VWA8: variants seen among roughly 807,000 people sequenced by gnomAD.
The protein encoded by VWA8 is von Willebrand factor A domain containing 8, also known as von Willebrand factor A domain-containing protein 8.
VWA8 carries 221 observed loss-of-function variants against 241.5 expected under a neutral mutation model. That is an observed-to-expected ratio of 0.91 (90% CI 0.82 to 1.02). The LOEUF (loss-of-function observed/expected upper bound fraction) is 1.02. VWA8 is among the 50% of genes least tolerant of loss of function. VWA8 has a pLI of 0.00. For missense variants in VWA8, 2,322 were observed against 2,328.7 expected, an observed-to-expected ratio of 1.00 and a Z score of 0.06; for synonymous variants, 852 against 827.1, an observed-to-expected ratio of 1.03 and a Z score of -0.52.
chr13:41,687,749 G>C (rs1395258195), intron 34 of VWA8, among the ~76,000 whole-genome samples: 1 of 152,028 alleles, frequency 6.6e-6, no homozygotes, highest in Non-Finnish European at 1.5e-5. Flanking sequence ...CATCTTAAAG[G>C]CTGCCTAGCT....
intron 35 of VWA8, among the ~76,000 whole-genome samples, chr13:41,681,596 A>G (rs770343489): frequency 6.6e-6 from 1 of 152,226 alleles, no homozygotes; most frequent in Non-Finnish European, 1.5e-5. Flanking sequence ...AGATGAGAAC[A>G]CAGGGGTCTC....
rs2083433573 is a variant in VWA8, at chr13:41,811,330, A to C, written c.1958T>G (p.Leu653Ter). 2 of 1,609,426 alleles carry C rather than the reference A, an allele frequency of 1.2e-6. No individual in the cohort carries two copies. Among genetic ancestry groups the C allele is most frequent in the African/African-American group, 2.7e-5 (2 of 74,816 alleles). Residue 653 changes from leucine to a stop codon, truncating the protein, a stop_gained, in exon 17 of 45, where the codon TTA (leucine) becomes TGA (stop). Transcript: ENST00000379310. LOFTEE classifies it high-confidence loss of function. ...TTGTCTGGTAGAAAGTGATGCCGCT[A>C]ATGATTGTGCCTATCAAAAGACAAA... ...RETQDPTAQS[L>*]AASLSTRQLL...
intron 23 of VWA8, 43 bp downstream of exon 23, chr13:41,729,499 C>G (rs774105677): frequency 6.3e-7 from 1 of 1,579,468 alleles, no homozygotes; most frequent in South Asian, 1.2e-5. Flanking sequence ...GAGATATAAA[C>G]ATTGTATTTA....
At chr13:41,723,730 GA>G (rs549318068) in intron 24 of VWA8, among the ~76,000 whole-genome samples, 71 of 151,982 alleles carry the variant, frequency 4.7e-4, no homozygotes, top group African/African-American at 1.3e-3. Flanking sequence ...TCAGGTTTAA[GA>G]AAAAAAAGTT....
chr13:41,846,577 C>G (rs1033830277), intron 12 of VWA8, among the ~76,000 whole-genome samples: 1 of 151,970 alleles, frequency 6.6e-6, no homozygotes, highest in African/African-American at 2.4e-5. Context: ...TTTAATATAA[C>G]AATAAGTCTC....
At position 41,729,551 on chromosome 13, in the gene VWA8, T is replaced by G. The variant is rs148498938; in HGVS notation, c.2629A>C (p.Ile877Leu). 11 of 1,611,456 alleles carry G rather than the reference T, an allele frequency of 6.8e-6. No individual in the cohort carries two copies. In the African/African-American group the frequency reaches 9.4e-5, roughly 14 times the overall value. Residue 877 changes from isoleucine (I) to leucine (L), a missense_variant, in exon 23 of 45, where the codon ATT (isoleucine) becomes CTT (leucine). Transcript: ENST00000379310. ...TTTCTAAAATACTCACTTGCAACAA[T>G]GCGTCTTCCATCTGCTAGAATCATT... The part of the protein sequence containing the change: ...GEMILADGRR[I>L]VANSANVNGR...
chr13:41,944,918 C>A (rs1877781973), intron 2 of VWA8, among the ~76,000 whole-genome samples: 1 of 152,130 alleles, frequency 6.6e-6, no homozygotes, highest in Admixed American at 6.5e-5. Context: ...ACTTTAAAGA[C>A]AGAAACAAAA....
At chr13:41,783,655 A>AT in intron 19 of VWA8, 140 bp downstream of exon 19, 3 of 595,564 alleles carry the variant, frequency 5.0e-6, no homozygotes, top group Non-Finnish European at 5.6e-6. Context: ...AAAAAAAAAA[A>AT]GATGTTCAAC....
Position 41,689,353 on chromosome 13 carries a change from C to G in VWA8, c.4131+1G>C. 2.5e-6 allele frequency: 4 copies of G among 1,607,614 alleles called. No individual in the cohort carries two copies. Among genetic ancestry groups the G allele is most frequent in the Non-Finnish European group, 3.4e-6 (4 of 1,177,288 alleles). ...CGATAATTTAAAAAATGGGTGCTTA[C>G]CATGAGATCTGGAAAACCAACAACT... is the stretch of plus-strand genomic sequence containing the variant. On this transcript the variant is annotated splice_donor_variant, in intron 34 of 44. Coordinates refer to ENST00000379310, the MANE Select transcript of VWA8 (RefSeq NM_015058.2). LOFTEE classifies it high-confidence loss of function.
chr13:41,771,365 C>T (rs1199859570), intron 20 of VWA8, among the ~76,000 whole-genome samples: 6 of 152,156 alleles, frequency 3.9e-5, no homozygotes, highest in African/African-American at 7.2e-5. Flanking sequence ...TCAGGTGATC[C>T]GCCCACCTTG....
intron 21 of VWA8, among the ~76,000 whole-genome samples, chr13:41,744,306 A>G (rs2045588429): frequency 6.6e-6 from 1 of 152,222 alleles, no homozygotes; most frequent in Admixed American, 6.5e-5. Flanking sequence ...AGGGAACCCA[A>G]CCTAAGATAT....
At chr13:41,571,272 GTCCCTCTCCCGTCTCCCTCTCCCGTC>G (rs761878023) in intron 43 of VWA8, among the ~76,000 whole-genome samples, 20 of 127,502 alleles carry the variant, frequency 1.6e-4, no homozygotes, top group Non-Finnish European at 3.1e-4. Flanking sequence ...AGAAAACCCT[GTCCCTCTCCCGTCTCCCTCTCCCGTC>G]TCCCTCTCCC....
intron 37 of VWA8, among the ~76,000 whole-genome samples, chr13:41,657,679 C>T (rs1052673244): frequency 8.6e-5 from 13 of 151,618 alleles, no homozygotes; most frequent in South Asian, 6.2e-4. Flanking sequence ...TTAGTAGAGA[C>T]GGGGTTTCAC....
At chr13:41,769,087 C>T (rs1435685446) in intron 20 of VWA8, among the ~76,000 whole-genome samples, 2 of 151,956 alleles carry the variant, frequency 1.3e-5, no homozygotes, top group Admixed American at 6.6e-5. Flanking sequence ...TGGTATTTTC[C>T]GTAGAGACAG....
At chr13:41,817,127 G>C (rs985972212) in intron 15 of VWA8, among the ~76,000 whole-genome samples, 15 of 152,102 alleles carry the variant, frequency 9.9e-5, no homozygotes, top group African/African-American at 3.6e-4. Context: ...TATTTTGTTA[G>C]CTTCAGCATG....
chr13:41,672,015 CT>C (rs1376045318), intron 36 of VWA8, among the ~76,000 whole-genome samples: 1 of 152,102 alleles, frequency 6.6e-6, no homozygotes, highest in East Asian at 1.9e-4. Context: ...CTGCATTTTC[CT>C]GTATTTCCTG....
At chr13:41,621,695 A>G (rs570929096) in intron 37 of VWA8, among the ~76,000 whole-genome samples, 38 of 151,952 alleles carry the variant, frequency 2.5e-4, no homozygotes, top group Non-Finnish European at 5.4e-4. Context: ...GTCTTTTAAG[A>G]ATAAGTACTA....
At chr13:41,679,038 C>T (rs891563953) in intron 35 of VWA8, among the ~76,000 whole-genome samples, 1 of 152,284 alleles carries the variant, frequency 6.6e-6, no homozygotes, top group South Asian at 2.1e-4. Flanking sequence ...GGCCAGGTTT[C>T]CCTCCAAACT....
At chr13:41,677,651 A>C (rs2045069431) in intron 35 of VWA8, among the ~76,000 whole-genome samples, 1 of 152,132 alleles carries the variant, frequency 6.6e-6, no homozygotes, top group Admixed American at 6.6e-5. Flanking sequence ...CATTTTATAA[A>C]ATCTTGGCCA....
Sources: allele counts gnomAD v4.1 joint callset (sites outside exome capture counted in the v4.1 genomes callset), GRCh38; gene constraint gnomAD v4.1.1; transcripts MANE v1.5; gene names NCBI Gene and HGNC (gene_info 2026-07-23, HGNC 2026-07-21).